RBFOX1: variants seen among roughly 807,000 people sequenced by gnomAD.
The protein encoded by RBFOX1 is RNA binding fox-1 homolog 1.
Under a neutral mutation model 57.7 loss-of-function variants are expected in RBFOX1, and 8 were observed. The observed-to-expected ratio is 0.14, with a 90% CI of 0.08 to 0.25. The LOEUF (loss-of-function observed/expected upper bound fraction) is 0.25. RBFOX1 is among the 10% of genes least tolerant of loss of function. The pLI is 1.00. For synonymous variants in RBFOX1, 326 were observed against 222.4 expected, an observed-to-expected ratio of 1.47 and a Z score of -4.15; for missense variants, 611 against 548.5, an observed-to-expected ratio of 1.11 and a Z score of -1.14.
At chr16:6,869,645 T>C (rs984301142) in intron 3 of RBFOX1, among the ~76,000 whole-genome samples, 1 of 152,178 alleles carries the variant, frequency 6.6e-6, no homozygotes, top group Non-Finnish European at 1.5e-5. Context: ...CTCTGACGTG[T>C]TAGAACTAGG....
chr16:6,766,505 T>C (rs1440712770), intron 3 of RBFOX1, among the ~76,000 whole-genome samples: 1 of 151,712 alleles, frequency 6.6e-6, no homozygotes, highest in South Asian at 2.1e-4. Flanking sequence ...AATGAGAAAA[T>C]ATTCCGGAAT....
At chr16:7,579,304 A>G (rs149368996) in intron 5 of RBFOX1, among the ~76,000 whole-genome samples, 2 of 152,186 alleles carry the variant, frequency 1.3e-5, no homozygotes, top group Admixed American at 6.5e-5. Flanking sequence ...TACCTGAACA[A>G]TTATGTAGGC....
intron 14 of RBFOX1, among the ~76,000 whole-genome samples, chr16:7,701,076 A>G (rs1297746648): frequency 3.3e-5 from 5 of 152,198 alleles, no homozygotes; most frequent in Non-Finnish European, 7.3e-5. Context: ...GAGGCAGGGA[A>G]ATCACGAGGT....
chr16:6,680,331 C>T (rs558308514), intron 3 of RBFOX1, among the ~76,000 whole-genome samples: 4 of 139,092 alleles, frequency 2.9e-5, no homozygotes, highest in African/African-American at 8.1e-5. Context: ...GGCGCCATCT[C>T]AGCTCACTGC....
In RBFOX1 at chr16:6,082,271, C is replaced by G. The variant is rs982174703; in HGVS notation, c.-127+62279C>G. Among the ~76,000 whole-genome samples the G allele has an allele frequency of 6.2e-5, 9 of 145,978 alleles. No homozygotes were observed. The East Asian group carries it at 1.8e-3, about 29-fold the overall frequency. ...TCTCGGCTCATTGCAACCTCTGCCT[C>G]CCAGATTCAAGCGATTCTCCTGCCT... On this transcript the variant is annotated intron_variant, in intron 1 of 15. Coordinates refer to ENST00000550418, the MANE Select transcript of RBFOX1 (RefSeq NM_018723.4).
intron 4 of RBFOX1, among the ~76,000 whole-genome samples, chr16:7,360,750 C>CT (rs1345811285): frequency 1.3e-5 from 2 of 152,190 alleles, no homozygotes; most frequent in Admixed American, 6.5e-5. Flanking sequence ...ACTGGGATCT[C>CT]TTTTTTCCTA....
chr16:7,270,066 A>T lies in RBFOX1; in HGVS notation c.27+217968A>T, dbSNP rs572882026. On this transcript the variant is annotated intron_variant, in intron 4 of 15. Coordinates refer to ENST00000550418, the MANE Select transcript of RBFOX1 (RefSeq NM_018723.4). ...TAACACAATGTGAAATACTGTGGAA[A>T]GTAGATACTACTGTCCTCATTTTAC... Among the ~76,000 whole-genome samples, 2 of 152,220 alleles carry T rather than the reference A, an allele frequency of 1.3e-5. 1 individual carries two copies. The highest frequency in any genetic ancestry group is 4.1e-4 in the South Asian group (2 of 4,828).
At chr16:5,711,952 CTG>C (rs1157919147) in intron 3 of RBFOX1, among the ~76,000 whole-genome samples, 2 of 152,188 alleles carry the variant, frequency 1.3e-5, no homozygotes, top group African/African-American at 4.8e-5. Flanking sequence ...ATATCCCAGA[CTG>C]TGTAATTTAT....
chr16:6,210,384 A>AGG (rs2097288285), intron 1 of RBFOX1, among the ~76,000 whole-genome samples: 1 of 140,282 alleles, frequency 7.1e-6, no homozygotes, highest in African/African-American at 2.5e-5. Flanking sequence ...AAAAAGAGAA[A>AGG]GGAAGGAAGG....
intron 4 of RBFOX1, among the ~76,000 whole-genome samples, chr16:5,968,801 C>G (rs79617226): frequency 1.3e-5 from 2 of 152,020 alleles, no homozygotes; most frequent in South Asian, 2.1e-4. Flanking sequence ...TTGTTCTTTT[C>G]TCTTGTTTTC....
intron 3 of RBFOX1, among the ~76,000 whole-genome samples, chr16:6,739,769 C>A (rs543460241): frequency 1.3e-5 from 2 of 151,904 alleles, no homozygotes; most frequent in Non-Finnish European, 1.5e-5. Context: ...CTCGGCTCCT[C>A]GGGAGGCTGA....
At chr16:6,765,460 G>A (rs1282763872) in intron 3 of RBFOX1, among the ~76,000 whole-genome samples, 1 of 152,076 alleles carries the variant, frequency 6.6e-6, no homozygotes, top group Non-Finnish European at 1.5e-5. Flanking sequence ...GAAATAATCT[G>A]TGGAACATAC....
chr16:5,397,123 C>A lies in RBFOX1; in HGVS notation c.220-70093C>A, dbSNP rs561203993. On this transcript the variant is annotated intron_variant, in intron 1 of 2. Transcript: ENST00000585867. ...TTAAAACAATCAGCTCATCCAAAGG[C>A]AGAAGCAAGAGCAAAGTGAAACCAC... is the stretch of plus-strand genomic sequence containing the variant. Among the ~76,000 whole-genome samples the A allele has an allele frequency of 9.8e-5, 15 of 152,340 alleles. No homozygotes were observed. In the East Asian group the frequency reaches 2.5e-3, roughly 25 times the overall value.
chr16:7,675,007 G>GAAAC (rs923336784), intron 13 of RBFOX1, among the ~76,000 whole-genome samples: 4 of 152,154 alleles, frequency 2.6e-5, no homozygotes, highest in African/African-American at 9.7e-5. Context: ...GTTCCAGAGA[G>GAAAC]AAACACATTC....
At chr16:5,532,432 AC>A (rs777385154) in intron 2 of RBFOX1, among the ~76,000 whole-genome samples, 13 of 152,134 alleles carry the variant, frequency 8.5e-5, no homozygotes, top group Non-Finnish European at 1.6e-4. Context: ...TCAGGCCCTG[AC>A]CCGGACTCAC....
intron 14 of RBFOX1, among the ~76,000 whole-genome samples, chr16:7,685,359 C>T (rs535944980): frequency 2.0e-5 from 3 of 152,134 alleles, no homozygotes; most frequent in African/African-American, 4.8e-5. Context: ...TCTTCCCTCT[C>T]CTGGCCCAGG....
In RBFOX1 at chr16:5,819,225, C is replaced by A. The variant is rs188472975; in HGVS notation, c.319-48078C>A. Among the ~76,000 whole-genome samples, 710 of 152,232 alleles carry A rather than the reference C, an allele frequency of 4.7e-3. 2 individuals carry two copies. Among genetic ancestry groups the A allele is most frequent in the Middle Eastern group, 6.8e-3 (2 of 294 alleles). On this transcript the variant is annotated intron_variant, in intron 3 of 19. Transcript: ENST00000641259. Reference sequence around the variant, plus strand: ...GCTAAGGGCCCACTTCCTAGATGGCCGTCTTTTCAATGTGACATCCTATGA... The same window carrying A: ...GCTAAGGGCCCACTTCCTAGATGGCAGTCTTTTCAATGTGACATCCTATGA...
chr16:6,144,868 G>T (rs918092180), intron 1 of RBFOX1, among the ~76,000 whole-genome samples: 1 of 152,148 alleles, frequency 6.6e-6, no homozygotes, highest in Non-Finnish European at 1.5e-5. Flanking sequence ...TTATGCAAGT[G>T]CTTGACAGAA....
intron 2 of RBFOX1, chr16:6,483,687 G>A: frequency 1.0e-6 from 1 of 981,744 alleles, no homozygotes; most frequent in Non-Finnish European, 1.3e-6. Flanking sequence ...GTTGCAGAGG[G>A]ACGGGGGCGG....
Sources: allele counts gnomAD v4.1 joint callset (sites outside exome capture counted in the v4.1 genomes callset), GRCh38; gene constraint gnomAD v4.1.1; transcripts MANE v1.5; gene names NCBI Gene and HGNC (gene_info 2026-07-23, HGNC 2026-07-21).